Variants in IGSF5 observed in about 807,000 individuals in gnomAD.
IGSF5 encodes immunoglobulin superfamily member 5.
In IGSF5, 41 loss-of-function variants were observed where a neutral mutation model predicts 39.4. That is an observed-to-expected ratio of 1.04 (90% CI 0.81 to 1.35). IGSF5 has a LOEUF of 1.35. IGSF5 is among the 40% of genes most tolerant of loss of function. IGSF5 has a pLI of 0.00. For missense variants in IGSF5, 487 were observed against 494.6 expected (o/e 0.98, Z 0.15); for synonymous variants, 183 against 175.3 (o/e 1.04, Z -0.34).
At chr21:39,777,821 A>G (rs972363952) in intron 4 of IGSF5, among the ~76,000 whole-genome samples, 2 of 152,158 alleles carry the variant, frequency 1.3e-5, no homozygotes, top group African/African-American at 2.4e-5. Context: ...AGGAATAGCA[A>G]ACTACTATTG....
At chr21:39,780,014 G>A (rs1008566914) in intron 5 of IGSF5, among the ~76,000 whole-genome samples, 4 of 152,142 alleles carry the variant, frequency 2.6e-5, no homozygotes, top group Non-Finnish European at 4.4e-5. Context: ...ATCATGTATT[G>A]TGTACTTGAA....
intron 6 of IGSF5, 137 bp downstream of exon 6, chr21:39,788,325 A>G (rs2086936684): frequency 6.2e-6 from 4 of 642,604 alleles, no homozygotes; most frequent in South Asian, 2.0e-5. Flanking sequence ...AGAGGTAGAC[A>G]ATGCTGAAAA....
chr21:39,742,773 G>T (rs960097490), upstream of IGSF5, among the ~76,000 whole-genome samples: 1 of 137,800 alleles, frequency 7.3e-6, no homozygotes, highest in Admixed American at 8.4e-5. Context: ...CATGACTAAA[G>T]TGATGGCCTT....
At chr21:39,730,299 C>A in the IGSF5 span, 26 of 152,238 alleles carry the variant, frequency 1.7e-4, no homozygotes, top group African/African-American at 4.8e-4. Flanking sequence ...TTTATAAGGA[C>A]AATCACATTG....
intron 1 of IGSF5, 140 bp from the exon 2 acceptor site, chr21:39,746,076 T>A (rs1054324046): frequency 1.1e-4 from 73 of 661,514 alleles, no homozygotes; most frequent in Middle Eastern, 3.9e-4. Context: ...TATTAGAAGC[T>A]GTGGGTCATG....
chr21:39,771,142 C>A lies in IGSF5; in HGVS notation c.645C>A (p.Cys215Ter), dbSNP rs757732135. 6.2e-7 allele frequency: 1 copy of A among 1,608,454 alleles called. No homozygotes were observed. Among genetic ancestry groups the A allele is most frequent in the South Asian group, 1.1e-5 (1 of 89,494 alleles). ...CACAGAGCAATGGGACTTTGACTTG[C>A]GTGGCTACCTGGAAGAGCCTGAAGG... ...LTPQSNGTLT[C>*]VATWKSLKAR... The change falls in exon 4 of 9, where the codon TGC becomes TGA. Residue 215 changes from cysteine to a stop codon, truncating the protein, a stop_gained. Transcript: ENST00000380588. LOFTEE classifies it high-confidence loss of function.
At chr21:39,793,800 C>T (rs921981079) in intron 8 of IGSF5, among the ~76,000 whole-genome samples, 187 bp downstream of exon 8, 2 of 152,174 alleles carry the variant, frequency 1.3e-5, no homozygotes, top group Non-Finnish European at 2.9e-5. Flanking sequence ...TTCTTGCCCT[C>T]AGTAGCAGTT....
the IGSF5 span, among the ~76,000 whole-genome samples, chr21:39,720,349 A>G: frequency 6.6e-6 from 1 of 151,998 alleles, no homozygotes; most frequent in African/African-American, 2.4e-5. Flanking sequence ...TTCACCAGCC[A>G]CTCACCTCCT....
chr21:39,764,216 G>C (rs1250256813), intron 2 of IGSF5, among the ~76,000 whole-genome samples: 3 of 152,104 alleles, frequency 2.0e-5, no homozygotes, highest in Admixed American at 6.6e-5. Flanking sequence ...TGTTGTTCTT[G>C]CAGGGGCAGT....
chr21:39,723,249 C>A, the IGSF5 span, among the ~76,000 whole-genome samples: 3 of 152,168 alleles, frequency 2.0e-5, no homozygotes, highest in East Asian at 5.8e-4. Context: ...TTATTTCTTG[C>A]AGGCTGTTGG....
chr21:39,794,710 A>T (rs2086985067), intron 8 of IGSF5, among the ~76,000 whole-genome samples: 1 of 152,192 alleles, frequency 6.6e-6, no homozygotes, highest in East Asian at 1.9e-4. Context: ...TGGAAAAGGT[A>T]AACTTGCAGG....
At chr21:39,718,044 T>C in the IGSF5 span, among the ~76,000 whole-genome samples, 1 of 152,130 alleles carries the variant, frequency 6.6e-6, no homozygotes, top group African/African-American at 2.4e-5. Context: ...TAATTCTCAT[T>C]GTAGAGATCT....
Position 39,748,379 on chromosome 21 carries a change from C to T in IGSF5, c.100+2081C>T, listed in dbSNP as rs370674773. 3.7e-4 allele frequency among the ~76,000 whole-genome samples: 46 copies of T among 125,648 alleles called. No homozygotes were observed. In the East Asian group the frequency reaches 9.0e-3, roughly 25 times the overall value. The allele number at this position is 125,648 out of a possible 152,430, so 82.4% of individuals were successfully genotyped here. On this transcript the variant is annotated intron_variant, in intron 2 of 8. Coordinates refer to ENST00000380588, the MANE Select transcript of IGSF5 (RefSeq NM_001080444.2). ...AGGCTGGAGTGCAGTGGCGCAATCTCGGCTCACTGCAACCTCCACCTCCTG... is the reference window on the plus strand; with the variant it reads ...AGGCTGGAGTGCAGTGGCGCAATCTTGGCTCACTGCAACCTCCACCTCCTG...
At chr21:39,790,246 C>T (rs1433146514) in intron 6 of IGSF5, among the ~76,000 whole-genome samples, 1 of 152,236 alleles carries the variant, frequency 6.6e-6, no homozygotes, top group African/African-American at 2.4e-5. Context: ...CATACCGTGG[C>T]ACGTGAGTGT....
chr21:39,772,173 C>T (rs1034043358), intron 4 of IGSF5, among the ~76,000 whole-genome samples: 1 of 152,164 alleles, frequency 6.6e-6, no homozygotes, highest in Non-Finnish European at 1.5e-5. Flanking sequence ...CAGAATTAAC[C>T]GGCCCTACAG....
At chr21:39,775,561 T>G (rs775647820) in intron 4 of IGSF5, among the ~76,000 whole-genome samples, 3 of 152,246 alleles carry the variant, frequency 2.0e-5, no homozygotes, top group Non-Finnish European at 4.4e-5. Flanking sequence ...AATGCTATTT[T>G]CCTTTTCTTC....
chr21:39,776,769 A>C (rs913205237), intron 4 of IGSF5, among the ~76,000 whole-genome samples: 2 of 152,238 alleles, frequency 1.3e-5, no homozygotes, highest in African/African-American at 4.8e-5. Context: ...GAAAGTACTG[A>C]TAGAGAGTGT....
chr21:39,801,111 T>C (rs897429118), intron 8 of IGSF5, 151 bp from the exon 9 acceptor site: 4 of 615,634 alleles, frequency 6.5e-6, no homozygotes, highest in Middle Eastern at 2.6e-4. Context: ...TTACCAGAAA[T>C]AATGCAAGAA....
chr21:39,718,456 G>A, the IGSF5 span, among the ~76,000 whole-genome samples: 1 of 152,116 alleles, frequency 6.6e-6, no homozygotes, highest in Non-Finnish European at 1.5e-5. Context: ...TCCAGCTTTT[G>A]CCCATTCGGT....
Sources: gnomAD v4.1 joint callset for allele counts (sites outside exome capture counted in the v4.1 genomes callset) on GRCh38, gnomAD v4.1.1 for gene constraint, MANE v1.5 for transcripts, NCBI Gene and HGNC (gene_info 2026-07-23, HGNC 2026-07-21) for gene names.